Variants in KCNK13 observed in about 807,000 individuals in gnomAD.
KCNK13 encodes the protein potassium two pore domain channel subfamily K member 13.
KCNK13 carries 12 observed loss-of-function variants against 23.4 expected under a neutral mutation model. That is an observed-to-expected ratio of 0.51 (90% confidence interval 0.33 to 0.83). KCNK13 has a LOEUF of 0.83. KCNK13 is among the 40% of genes least tolerant of loss of function. The probability of loss-of-function intolerance (pLI) is 0.02; values close to 1 mark genes in which losing one functional copy is unlikely to be tolerated. For synonymous variants in KCNK13, 231 were observed against 229.5 expected (o/e 1.01, Z -0.06); for missense variants, 463 against 556.3 (o/e 0.83, Z 1.69).
chr14:90,160,417 G>A (rs1890240520), intron 1 of KCNK13, among the ~76,000 whole-genome samples: 1 of 152,172 alleles, frequency 6.6e-6, no homozygotes, highest in Admixed American at 6.5e-5. Flanking sequence ...ATGGCTAAGA[G>A]TTCATGAATG....
At chr14:90,182,715 G>T (rs896438134) in intron 1 of KCNK13, among the ~76,000 whole-genome samples, 1 of 151,964 alleles carries the variant, frequency 6.6e-6, no homozygotes, top group African/African-American at 2.4e-5. Context: ...CAGCTACTTG[G>T]AAGGCTGAGG....
At chr14:90,108,100 T>G in intron 1 of KCNK13, 1 of 446,702 alleles carries the variant, frequency 2.2e-6, no homozygotes, top group Middle Eastern at 7.0e-4. Flanking sequence ...CAAACAGCTT[T>G]TTTCTTCTTT....
At chr14:90,113,864 TG>T (rs1889643790) in intron 1 of KCNK13, among the ~76,000 whole-genome samples, 1 of 151,338 alleles carries the variant, frequency 6.6e-6, no homozygotes, top group South Asian at 2.1e-4. Flanking sequence ...ACCCAGGAGG[TG>T]GAGGTTGCAG....
chr14:90,121,797 G>T (rs141874111), intron 1 of KCNK13, among the ~76,000 whole-genome samples: 1 of 152,104 alleles, frequency 6.6e-6, no homozygotes, highest in East Asian at 1.9e-4. Flanking sequence ...TCAGCTCACT[G>T]CAACCTCTGC....
chr14:90,111,440 T>C (rs2140412688), intron 1 of KCNK13, among the ~76,000 whole-genome samples: 1 of 152,294 alleles, frequency 6.6e-6, no homozygotes, highest in East Asian at 1.9e-4. Context: ...GTTGATTAGC[T>C]CAGGGAAAGA....
intron 1 of KCNK13, among the ~76,000 whole-genome samples, chr14:90,175,020 A>G (rs954498865): frequency 1.3e-5 from 2 of 152,200 alleles, no homozygotes; most frequent in South Asian, 2.1e-4. Context: ...GCTCCCCCTT[A>G]TCTGAGATGT....
chr14:90,093,019 C>G (rs1889367915), intron 1 of KCNK13, among the ~76,000 whole-genome samples: 1 of 151,802 alleles, frequency 6.6e-6, no homozygotes, highest in African/African-American at 2.4e-5. Context: ...GCTAAGCTTC[C>G]TCTGGGTATG....
chr14:90,063,044 G>T (rs984001632), intron 1 of KCNK13, among the ~76,000 whole-genome samples: 14 of 152,092 alleles, frequency 9.2e-5, no homozygotes, highest in African/African-American at 3.1e-4. Flanking sequence ...CTGAAAGTGA[G>T]GAAGCAAAAG....
chr14:90,152,470 G>T (rs1171559229), intron 1 of KCNK13, among the ~76,000 whole-genome samples: 1 of 152,128 alleles, frequency 6.6e-6, no homozygotes, highest in African/African-American at 2.4e-5. Flanking sequence ...GGGAGGTGGA[G>T]GTTGTGGTGA....
chr14:90,084,412 G>A (rs1450823368), intron 1 of KCNK13, among the ~76,000 whole-genome samples: 1 of 152,102 alleles, frequency 6.6e-6, no homozygotes, highest in African/African-American at 2.4e-5. Flanking sequence ...AAATGAAATG[G>A]TTTTCTTGAT....
intron 1 of KCNK13, among the ~76,000 whole-genome samples, chr14:90,128,892 C>G (rs774349229): frequency 6.6e-6 from 1 of 152,092 alleles, no homozygotes; most frequent in Non-Finnish European, 1.5e-5. Flanking sequence ...CACCTTGAGC[C>G]GTCCCCACCG....
intron 1 of KCNK13, among the ~76,000 whole-genome samples, chr14:90,133,082 C>T (rs7494678): frequency 0.11 from 16,117 of 152,106 alleles, 1,139 homozygotes; most frequent in Admixed American, 0.25. Context: ...TCCTTGGCTC[C>T]GCAAAGAGAT....
Position 90,062,162 on chromosome 14 carries a change from C to T in KCNK13, c.-44C>T. 2.4e-6 allele frequency: 3 copies of T among 1,250,194 alleles called. No homozygotes were observed. Among genetic ancestry groups the T allele is most frequent in the Non-Finnish European group, 3.1e-6 (3 of 970,666 alleles). The allele number at this position is 1,250,194 out of a possible 1,614,324, so 77.4% of individuals were successfully genotyped here. A position where few individuals can be genotyped will look rare whatever the true frequency, so the allele number is the denominator to read the frequency against. ...GGGGGTGTGGGCGAGACTCCGCCGA[C>T]GCCCGGTGCCGTGGGCCTGGGGGCT... is the stretch of plus-strand genomic sequence containing the variant. On this transcript the variant is annotated 5_prime_UTR_variant, in exon 1 of 2. The change creates a new upstream start codon in the 5' untranslated region. Transcript: ENST00000282146. This position sits in a 1 kb window ranked among gnomAD's most constrained non-coding sequence, Gnocchi z 4.5.
intron 1 of KCNK13, among the ~76,000 whole-genome samples, chr14:90,135,468 A>G (rs17799124): frequency 0.099 from 15,087 of 152,204 alleles, 1,063 homozygotes; most frequent in Admixed American, 0.25. Flanking sequence ...AAAACATAAA[A>G]ATGTTGAGGT....
chr14:90,073,598 C>T (rs1286918), intron 1 of KCNK13, among the ~76,000 whole-genome samples: 48,069 of 151,886 alleles, frequency 0.32, 8,551 homozygotes, highest in African/African-American at 0.48. Flanking sequence ...CCCCGGAGCC[C>T]GTGGGGTTCA....
At position 90,184,884 on chromosome 14, in the gene KCNK13, A is replaced by G. The variant is rs769061951; in HGVS notation, c.1108A>G (p.Met370Val). Residue 370 changes from methionine (M) to valine (V), a missense_variant, in exon 2 of 2, where the codon ATG becomes GTG. Met to Val is a conservative substitution (Grantham distance 21). This residue lies in a region of KCNK13 where 166 missense variants were observed against 178.8 expected (regional missense o/e 0.93). Coordinates refer to ENST00000282146, the MANE Select transcript of KCNK13 (RefSeq NM_022054.4). This position sits in a 1 kb window ranked among gnomAD's most constrained non-coding sequence, Gnocchi z 5.6. Reference protein sequence around the residue: ...LAILQKQLSEMANGCPHQTST... With the variant: ...LAILQKQLSEVANGCPHQTST... ...CATCCTGCAGAAGCAACTGTCTGAG[A>G]TGGCCAACGGCTGCCCCCACCAGAC... 15 of 1,613,760 alleles carry G rather than the reference A, an allele frequency of 9.3e-6. No homozygotes were observed. The highest frequency in any genetic ancestry group is 1.3e-5 in the Non-Finnish European group (15 of 1,179,982).
chr14:90,132,330 T>C (rs1427788561), intron 1 of KCNK13, among the ~76,000 whole-genome samples: 1 of 152,038 alleles, frequency 6.6e-6, no homozygotes. Flanking sequence ...GATCACCTGA[T>C]GTCAGGAGTT....
At chr14:90,143,171 C>CATTCTTTCTTTCTTTCT (rs1890031155) in intron 1 of KCNK13, among the ~76,000 whole-genome samples, 1 of 123,788 alleles carries the variant, frequency 8.1e-6, no homozygotes, top group Non-Finnish European at 1.7e-5. Context: ...TTCTTTCTTT[C>CATTCTTTCTTTCTTTCT]TTTCTTTTCT....
chr14:90,175,088 A>G (rs980801758), intron 1 of KCNK13, among the ~76,000 whole-genome samples: 4 of 152,150 alleles, frequency 2.6e-5, no homozygotes, highest in African/African-American at 7.2e-5. Flanking sequence ...ACTCGGAGAC[A>G]TATATTAAGA....
Sources: allele counts gnomAD v4.1 joint callset (sites outside exome capture counted in the v4.1 genomes callset), GRCh38; gene constraint gnomAD v4.1.1; regional missense constraint gnomAD v4.1.1; non-coding constraint Gnocchi (gnomAD v3.1); transcripts MANE v1.5; gene names NCBI Gene and HGNC (gene_info 2026-07-23, HGNC 2026-07-21).